MGA: variants seen among roughly 807,000 people sequenced by gnomAD.
MGA encodes MAX gene-associated protein.
A neutral mutation model predicts 261.1 loss-of-function variants in MGA; 40 were observed. The ratio of observed to expected loss-of-function variants is 0.15; its 90% CI spans 0.12 to 0.20. The LOEUF (loss-of-function observed/expected upper bound fraction) is 0.20. MGA is among the 10% of genes least tolerant of loss of function. The probability of loss-of-function intolerance (pLI) is 1.00; values close to 1 mark genes in which losing one functional copy is unlikely to be tolerated. For synonymous variants in MGA, 1,302 were observed against 1,290.6 expected (o/e 1.01, Z -0.19); for missense variants, 3,397 against 3,630.5 (o/e 0.94, Z 1.65).
At chr15:41,709,173 C>A (rs1027647021) in intron 7 of MGA, among the ~76,000 whole-genome samples, 2 of 151,950 alleles carry the variant, frequency 1.3e-5, no homozygotes, top group African/African-American at 2.4e-5. Context: ...ATGGTGAAAA[C>A]CCCTCTCTAC....
At chr15:41,674,263 C>T (rs957225457) in intron 2 of MGA, among the ~76,000 whole-genome samples, 4 of 152,022 alleles carry the variant, frequency 2.6e-5, no homozygotes, top group Admixed American at 6.5e-5. Context: ...GTGGCGCGAT[C>T]TTGGCTCACT....
At chr15:41,695,242 G>A (rs2059496479) in intron 2 of MGA, among the ~76,000 whole-genome samples, 1 of 151,564 alleles carries the variant, frequency 6.6e-6, no homozygotes, top group Non-Finnish European at 1.5e-5. Flanking sequence ...CAGGCTGGAG[G>A]CAGTGGCACA....
At chr15:41,629,622 G>C (rs1284019463) in intron 1 of MGA, among the ~76,000 whole-genome samples, 4 of 152,056 alleles carry the variant, frequency 2.6e-5, no homozygotes, top group Non-Finnish European at 1.5e-5. Flanking sequence ...CCAGCTACTT[G>C]GGAAGCTGAT....
Position 41,754,446 on chromosome 15 carries a change from G to T in MGA, c.7018G>T (p.Val2340Leu). 1.2e-5 allele frequency: 19 copies of T among 1,549,110 alleles called. No individual in the cohort carries two copies. The highest frequency in any genetic ancestry group is 1.6e-5 in the Non-Finnish European group (18 of 1,146,558). Reference sequence around the variant, plus strand: ...TAATGATGTATTTCAGAATAACTGTGTAGAATACATTGAGGATGATGAGGA... The same window carrying T: ...TAATGATGTATTTCAGAATAACTGTTTAGAATACATTGAGGATGATGAGGA... The change falls in exon 18 of 24, where the codon GTA becomes TTA. Residue 2340 changes from valine (V) to leucine (L), a missense_variant. Around this residue, in one of 9 missense-constraint regions of MGA, gnomAD observed 1,410 missense variants for 1,386.4 expected, o/e 1.02. Coordinates refer to ENST00000219905, the MANE Select transcript of MGA (RefSeq NM_001164273.2).
intron 1 of MGA, among the ~76,000 whole-genome samples, chr15:41,633,940 A>T (rs1376083362): frequency 6.6e-6 from 1 of 151,990 alleles, no homozygotes; most frequent in East Asian, 1.9e-4. Flanking sequence ...TCCCTTCCTT[A>T]ATCTCTGCTC....
intron 18 of MGA, among the ~76,000 whole-genome samples, chr15:41,757,493 A>T (rs572578032): frequency 6.6e-6 from 1 of 152,318 alleles, no homozygotes; most frequent in Non-Finnish European, 1.5e-5. Flanking sequence ...GTATTCAAAG[A>T]TACTGCTGGA....
chr15:41,741,923 G>A (rs1025206747), intron 14 of MGA, among the ~76,000 whole-genome samples: 1 of 151,670 alleles, frequency 6.6e-6, no homozygotes, highest in Non-Finnish European at 1.5e-5. Context: ...TGTTGGCCAG[G>A]CTGGTCTTGA....
At chr15:41,622,605 G>A (rs1015130768) in intron 1 of MGA, among the ~76,000 whole-genome samples, 6 of 152,142 alleles carry the variant, frequency 3.9e-5, no homozygotes, top group African/African-American at 1.4e-4. Flanking sequence ...AAATCAAAAG[G>A]TAACTACTAT....
intron 9 of MGA, among the ~76,000 whole-genome samples, chr15:41,721,370 A>G (rs1213492705): frequency 6.6e-6 from 1 of 152,150 alleles, no homozygotes; most frequent in Non-Finnish European, 1.5e-5. Flanking sequence ...CAGGAGGCTG[A>G]GGCACAAAAA....
At chr15:41,621,267 C>T (rs1379670537) in exon 1 of MGA, 1 of 152,280 alleles carries the variant, frequency 6.6e-6, no homozygotes, top group Non-Finnish European at 1.5e-5. Context: ...CGATGGTTCC[C>T]GGCTCCTGGA....
chr15:41,656,377 T>TCTCTCTCTCTCTCTCTCTCTCTCTCACA (rs1555403733), upstream of MGA, among the ~76,000 whole-genome samples: 18 of 68,274 alleles, frequency 2.6e-4, no homozygotes, highest in South Asian at 6.0e-4. Context: ...TCTCTCTCTC[T>TCTCTCTCTCTCTCTCTCTCTCTCTCACA]CACACCCAGG....
chr15:41,653,381 A>C (rs2057107174), intron 1 of MGA, among the ~76,000 whole-genome samples: 2 of 151,680 alleles, frequency 1.3e-5, no homozygotes, highest in Non-Finnish European at 2.9e-5. Flanking sequence ...AAAAAAAAAC[A>C]ACAAAAAACA....
intron 9 of MGA, chr15:41,718,320 T>TATAC (rs1491439160): frequency 3.8e-5 from 9 of 239,074 alleles, no homozygotes; most frequent in African/African-American, 1.9e-4. Context: ...TATATATATA[T>TATAC]ACATATATAT....
rs765369411 is a variant in MGA, at chr15:41,766,139, A to G, written c.8057A>G (p.Asp2686Gly). 6.2e-7 allele frequency: 1 copy of G among 1,614,034 alleles called. No individual in the cohort carries two copies. The highest frequency in any genetic ancestry group is 1.1e-5 in the South Asian group (1 of 91,084). ...AGCAAGCCATCTGACCATCTGAAAG[A>G]CACCGTCAGGAATGAAGATAATTCC... is the stretch of plus-strand genomic sequence containing the variant. Residue 2686 changes from aspartate (D) to glycine (G), a missense_variant, in exon 24 of 24, where the codon GAC (aspartate) becomes GGC (glycine). Asp to Gly is a moderately conservative substitution (Grantham distance 94, BLOSUM62 -1). Around this residue, in one of 9 missense-constraint regions of MGA, gnomAD observed 647 missense variants for 642.4 expected, o/e 1.01. Coordinates refer to ENST00000219905, the MANE Select transcript of MGA (RefSeq NM_001164273.2).
At chr15:41,762,467 T>TTTTTG (rs2063530490) in intron 22 of MGA, 105 bp downstream of exon 22, 2 of 510,474 alleles carry the variant, frequency 3.9e-6, no homozygotes, top group Non-Finnish European at 6.1e-6. Flanking sequence ...TGTGGTTTTT[T>TTTTTG]TTTTTTTTTT....
intron 2 of MGA, among the ~76,000 whole-genome samples, chr15:41,677,048 C>T (rs140672733): frequency 6.6e-6 from 1 of 152,228 alleles, no homozygotes; most frequent in Non-Finnish European, 1.5e-5. Context: ...CACTTAAAGG[C>T]CACTTGCCTG....
chr15:41,738,376 C>A lies in MGA; in HGVS notation c.4435-1677C>A, dbSNP rs2061905675. On this transcript the variant is annotated intron_variant, in intron 13 of 23. Coordinates refer to ENST00000219905, the MANE Select transcript of MGA (RefSeq NM_001164273.2). Reference sequence around the variant, plus strand: ...CGCCACTGCATTCCAGCCTGGGCGACAGAGTGAGACTCCATCTCAAAAGAG... The same window carrying A: ...CGCCACTGCATTCCAGCCTGGGCGAAAGAGTGAGACTCCATCTCAAAAGAG... Among the ~76,000 whole-genome samples, 3 of 152,202 alleles carry A rather than the reference C, an allele frequency of 2.0e-5. No individual in the cohort carries two copies. The South Asian group carries it at 6.2e-4, about 32-fold the overall frequency.
At chr15:41,722,175 G>T (rs2060980110) in intron 9 of MGA, among the ~76,000 whole-genome samples, 1 of 139,544 alleles carries the variant, frequency 7.2e-6, no homozygotes, top group South Asian at 2.2e-4. Flanking sequence ...TCTCGCCCAG[G>T]CTGGAGTGCA....
Position 41,767,194 on chromosome 15 carries a change from C to T in MGA, c.9112C>T (p.Arg3038Trp), listed in dbSNP as rs117068470. Residue 3038 changes from arginine (R) to tryptophan (W), a missense_variant, in exon 24 of 24, where the codon CGG becomes TGG. This residue lies in a region of MGA where 647 missense variants were observed against 642.4 expected (regional missense o/e 1.01). Transcript: ENST00000219905. Reference sequence around the variant, plus strand: ...CTTAACAGGGAATGACCAGGAAGGCCGGGAAAGCAAGGTGATGCCTACATT... The same window carrying T: ...CTTAACAGGGAATGACCAGGAAGGCTGGGAAAGCAAGGTGATGCCTACATT... 1.3e-4 allele frequency: 205 copies of T among 1,613,994 alleles called. No individual in the cohort carries two copies. The East Asian group carries it at 3.5e-3, about 28-fold the overall frequency.
Sources: allele counts gnomAD v4.1 joint callset (sites outside exome capture counted in the v4.1 genomes callset), GRCh38; gene constraint gnomAD v4.1.1; regional missense constraint gnomAD v4.1.1; transcripts MANE v1.5; gene names NCBI Gene and HGNC (gene_info 2026-07-23, HGNC 2026-07-21).